Variants in ZFHX3 observed in about 807,000 individuals in gnomAD.
ZFHX3 encodes zinc finger homeobox protein 3.
ZFHX3 carries 42 observed loss-of-function variants against 279.1 expected under a neutral mutation model. The ratio of observed to expected loss-of-function variants is 0.15; its 90% CI spans 0.12 to 0.19. ZFHX3 has a LOEUF of 0.19. Among genes scored for constraint, ZFHX3 ranks in the 10% least tolerant of loss-of-function variants. ZFHX3 has a pLI of 1.00. For missense variants in ZFHX3, 4,981 were observed against 4,754.0 expected, an observed-to-expected ratio of 1.05 and a Z score of -1.40; for synonymous variants, 2,293 against 1,957.8, an observed-to-expected ratio of 1.17 and a Z score of -4.52.
At chr16:72,941,810 T>A (rs1301819228) in intron 3 of ZFHX3, among the ~76,000 whole-genome samples, 1 of 152,250 alleles carries the variant, frequency 6.6e-6, no homozygotes, top group Non-Finnish European at 1.5e-5. Flanking sequence ...AGTATTTCTA[T>A]GAGTGACAGA....
At position 73,358,456 on chromosome 16, in the gene ZFHX3, G is replaced by A. The variant is rs150278052; in HGVS notation, c.-1290-40120C>T. ...AGAAGCTGAATCTTGCAAATGACCC[G>A]GCGAGTGAGTTCAGAAGCAGATCCT... On this transcript the variant is annotated intron_variant, in intron 3 of 17. Transcript: ENST00000641206. 2.5e-3 allele frequency among the ~76,000 whole-genome samples: 381 copies of A among 152,292 alleles called. 2 individuals carry two copies. Among genetic ancestry groups the A allele is most frequent in the African/African-American group, 8.0e-3 (333 of 41,552 alleles).
intron 1 of ZFHX3, among the ~76,000 whole-genome samples, chr16:73,682,446 T>C (rs2127738): frequency 0.63 from 95,818 of 151,884 alleles, 30,887 homozygotes; most frequent in Middle Eastern, 0.83. Context: ...TGGTCAAGAA[T>C]GTCACCATCT....
intron 3 of ZFHX3, among the ~76,000 whole-genome samples, chr16:73,336,036 T>A (rs1412947056): frequency 6.6e-6 from 1 of 152,194 alleles, no homozygotes; most frequent in Non-Finnish European, 1.5e-5. Flanking sequence ...CTAAGTTGTG[T>A]TAACAGCTGG....
chr16:73,487,370 C>G (rs530949202), intron 2 of ZFHX3: 1 of 394,992 alleles, frequency 2.5e-6, no homozygotes, highest in East Asian at 7.3e-5. Context: ...TCTGTTATAG[C>G]AAGGGTCCAA....
At chr16:73,534,143 T>C (rs984184338) in intron 2 of ZFHX3, among the ~76,000 whole-genome samples, 1 of 152,148 alleles carries the variant, frequency 6.6e-6, no homozygotes, top group Non-Finnish European at 1.5e-5. Flanking sequence ...CTTACCTCTA[T>C]GACCTCCTAC....
intron 8 of ZFHX3, 28 bp from the exon 9 acceptor site, chr16:72,798,742 C>G: frequency 6.6e-7 from 1 of 1,514,728 alleles, no homozygotes; most frequent in Non-Finnish European, 8.8e-7. Context: ...AAAATCAAAC[C>G]CAAAGATAAA....
chr16:73,086,025 C>CAAAAAAAAA (rs1196009863), intron 8 of ZFHX3, among the ~76,000 whole-genome samples: 1 of 134,382 alleles, frequency 7.4e-6, no homozygotes. Flanking sequence ...TAAAAATGGG[C>CAAAAAAAAA]AAAAGATCTA....
At chr16:73,284,709 C>A (rs2014549836) in intron 4 of ZFHX3, among the ~76,000 whole-genome samples, 1 of 152,130 alleles carries the variant, frequency 6.6e-6, no homozygotes, top group African/African-American at 2.4e-5. Flanking sequence ...CACAGATGTA[C>A]CATGACTTAT....
chr16:73,218,078 C>G (rs1023332751), intron 5 of ZFHX3, among the ~76,000 whole-genome samples: 1 of 152,066 alleles, frequency 6.6e-6, no homozygotes, highest in Admixed American at 6.6e-5. Flanking sequence ...ACCTAACGGG[C>G]CTTCAGTGAT....
intron 1 of ZFHX3, among the ~76,000 whole-genome samples, chr16:72,990,349 C>G (rs1430811722): frequency 1.3e-5 from 2 of 152,192 alleles, no homozygotes; most frequent in East Asian, 3.9e-4. Flanking sequence ...CGAAACTGCT[C>G]TAAAGCCCAT....
intron 1 of ZFHX3, among the ~76,000 whole-genome samples, chr16:73,797,162 C>G (rs973147474): frequency 1.1e-4 from 17 of 152,256 alleles, no homozygotes; most frequent in Non-Finnish European, 2.5e-4. Context: ...AAGATCATAC[C>G]ATTGCACTCC....
At chr16:72,835,419 C>T (rs1349207693) in intron 4 of ZFHX3, among the ~76,000 whole-genome samples, 3 of 152,018 alleles carry the variant, frequency 2.0e-5, no homozygotes, top group Non-Finnish European at 4.4e-5. Flanking sequence ...AATGAAATAG[C>T]CTGCAGCTGT....
chr16:73,011,335 T>C (rs1963911419), intron 1 of ZFHX3, among the ~76,000 whole-genome samples: 1 of 151,964 alleles, frequency 6.6e-6, no homozygotes, highest in Non-Finnish European at 1.5e-5. Context: ...TTTCCCTTTG[T>C]TGCCCAGCGT....
At chr16:73,741,175 C>T (rs1849239) in intron 1 of ZFHX3, among the ~76,000 whole-genome samples, 38,317 of 151,626 alleles carry the variant, frequency 0.25, 5,972 homozygotes, top group East Asian at 0.62. Flanking sequence ...GGATTACAGG[C>T]GCCTGCCACG....
chr16:73,724,968 G>C (rs1397228910), intron 1 of ZFHX3, among the ~76,000 whole-genome samples: 1 of 152,050 alleles, frequency 6.6e-6, no homozygotes, highest in Non-Finnish European at 1.5e-5. Context: ...AGTAAAGCAA[G>C]AAAACACCAA....
intron 3 of ZFHX3, among the ~76,000 whole-genome samples, chr16:73,372,491 C>G (rs1308814726): frequency 6.6e-6 from 1 of 152,208 alleles, no homozygotes; most frequent in Non-Finnish European, 1.5e-5. Context: ...ATAATTTATA[C>G]TCAAGTAATT....
chr16:73,108,487 T>A (rs1202725201), intron 7 of ZFHX3, among the ~76,000 whole-genome samples: 1 of 152,110 alleles, frequency 6.6e-6, no homozygotes, highest in Non-Finnish European at 1.5e-5. Flanking sequence ...CACTGCAGCC[T>A]CAAACTCCTA....
intron 3 of ZFHX3, among the ~76,000 whole-genome samples, chr16:73,325,920 C>CACAAAA (rs1555510199): frequency 1.4e-5 from 1 of 71,352 alleles, no homozygotes; most frequent in Non-Finnish European, 4.2e-5. Context: ...CACACACACA[C>CACAAAA]ACACACAAAC....
intron 3 of ZFHX3, among the ~76,000 whole-genome samples, chr16:73,338,759 C>G (rs2015967280): frequency 6.6e-6 from 1 of 152,172 alleles, no homozygotes; most frequent in Admixed American, 6.5e-5. Flanking sequence ...CTGCTCAAAT[C>G]TCATGCTGAA....
Sources: allele counts gnomAD v4.1 joint callset (sites outside exome capture counted in the v4.1 genomes callset), GRCh38; gene constraint gnomAD v4.1.1; transcripts MANE v1.5; gene names NCBI Gene and HGNC (gene_info 2026-07-23, HGNC 2026-07-21).